IQCJ: variants seen among roughly 807,000 people sequenced by gnomAD.
IQCJ encodes the protein IQ motif containing J.
In IQCJ, 9 loss-of-function variants were observed where a neutral mutation model predicts 11.0. The ratio of observed to expected loss-of-function variants is 0.82; its 90% CI spans 0.49 to 1.43. IQCJ has a LOEUF of 1.43. Ranked by LOEUF, IQCJ falls within the 40% of genes most tolerant of loss-of-function variation. The pLI, the probability that IQCJ is intolerant of heterozygous loss-of-function variation, is 0.00. For missense variants in IQCJ, 146 were observed against 133.2 expected (o/e 1.10, Z -0.47); for synonymous variants, 55 against 51.3 (o/e 1.07, Z -0.31).
chr3:159,255,505 C>T (rs963363912), intron 3 of IQCJ, among the ~76,000 whole-genome samples: 3 of 152,058 alleles, frequency 2.0e-5, no homozygotes, highest in Admixed American at 6.5e-5. Context: ...CTCAGGACAT[C>T]GTGAAAAGGA....
chr3:159,069,509 A>T, intron 1 of IQCJ, 68 bp downstream of exon 1: 4 of 1,556,052 alleles, frequency 2.6e-6, no homozygotes, highest in East Asian at 2.3e-5. Flanking sequence ...ATTATTTTTT[A>T]AAAATCTGTC....
intron 1 of IQCJ, among the ~76,000 whole-genome samples, chr3:159,219,762 G>A (rs145691364): frequency 9.2e-5 from 14 of 152,196 alleles, no homozygotes; most frequent in Non-Finnish European, 1.6e-4. Flanking sequence ...CATGTTAGTG[G>A]ACCTATATTC....
intron 1 of IQCJ, among the ~76,000 whole-genome samples, chr3:159,208,777 A>G (rs1397444114): frequency 6.6e-6 from 1 of 152,236 alleles, no homozygotes; most frequent in Non-Finnish European, 1.5e-5. Flanking sequence ...TTGCAGACAT[A>G]ATTGAGGATC....
At chr3:159,160,256 G>C (rs932655397) in intron 1 of IQCJ, among the ~76,000 whole-genome samples, 2 of 152,028 alleles carry the variant, frequency 1.3e-5, no homozygotes, top group African/African-American at 4.8e-5. Context: ...TACTCATTAT[G>C]GCTGTAATTT....
At chr3:159,239,396 C>T (rs1726773623) in intron 1 of IQCJ, among the ~76,000 whole-genome samples, 1 of 151,998 alleles carries the variant, frequency 6.6e-6, no homozygotes, top group South Asian at 2.1e-4. Flanking sequence ...ATGAAATATT[C>T]AAGGAAAGGA....
chr3:159,217,183 G>A (rs935284810), intron 1 of IQCJ, among the ~76,000 whole-genome samples: 4 of 152,026 alleles, frequency 2.6e-5, no homozygotes, highest in African/African-American at 9.7e-5. Flanking sequence ...AATTGGTTTG[G>A]GATGAGGCCT....
chr3:159,202,121 G>A (rs989560200), intron 1 of IQCJ, among the ~76,000 whole-genome samples: 2 of 152,104 alleles, frequency 1.3e-5, no homozygotes, highest in Admixed American at 1.3e-4. Flanking sequence ...ATGTGTACAT[G>A]TATGTATATA....
intron 1 of IQCJ, among the ~76,000 whole-genome samples, chr3:159,106,679 CT>C (rs1346146493): frequency 6.6e-6 from 1 of 152,150 alleles, no homozygotes; most frequent in African/African-American, 2.4e-5. Flanking sequence ...AATTATAACA[CT>C]ATCTACGTAG....
chr3:159,093,762 T>G (rs893059121), intron 1 of IQCJ, among the ~76,000 whole-genome samples: 4 of 151,776 alleles, frequency 2.6e-5, no homozygotes, highest in Non-Finnish European at 5.9e-5. Context: ...AGCAAACACA[T>G]CCTTCTTCAC....
chr3:159,237,622 G>C (rs1447938853), intron 1 of IQCJ, among the ~76,000 whole-genome samples: 1 of 152,190 alleles, frequency 6.6e-6, no homozygotes, highest in South Asian at 2.1e-4. Context: ...TGGGATTAAG[G>C]ATTCTGGAAT....
intron 1 of IQCJ, among the ~76,000 whole-genome samples, chr3:159,086,084 G>A (rs1041989046): frequency 1.2e-4 from 18 of 152,190 alleles, no homozygotes; most frequent in African/African-American, 4.1e-4. Flanking sequence ...ATCTTGAATT[G>A]ATTTTTGTAT....
At chr3:159,111,857 C>G (rs947045386) in intron 1 of IQCJ, among the ~76,000 whole-genome samples, 7 of 152,118 alleles carry the variant, frequency 4.6e-5, no homozygotes, top group African/African-American at 1.7e-4. Flanking sequence ...GTGATGCTTG[C>G]TTAAAAGAGC....
At chr3:159,185,335 T>C (rs888111656) in intron 1 of IQCJ, among the ~76,000 whole-genome samples, 1 of 152,236 alleles carries the variant, frequency 6.6e-6, no homozygotes, top group South Asian at 2.1e-4. Flanking sequence ...GAATCCTAGC[T>C]GCAAGGGAGT....
intron 1 of IQCJ, among the ~76,000 whole-genome samples, chr3:159,170,611 A>C (rs1304909681): frequency 6.6e-6 from 1 of 150,466 alleles, no homozygotes; most frequent in African/African-American, 2.4e-5. Context: ...GACTCAGCCT[A>C]TGGTTCTTTC....
intron 1 of IQCJ, among the ~76,000 whole-genome samples, chr3:159,205,348 G>C (rs1724591210): frequency 6.6e-6 from 1 of 152,186 alleles, no homozygotes; most frequent in African/African-American, 2.4e-5. Flanking sequence ...GTAAAGTCAG[G>C]ACATGTTAGT....
intron 3 of IQCJ, among the ~76,000 whole-genome samples, chr3:159,257,744 A>G (rs1258151875): frequency 6.6e-6 from 1 of 152,252 alleles, no homozygotes; most frequent in Non-Finnish European, 1.5e-5. Flanking sequence ...AGCTGCATAT[A>G]GAAAAATCAA....
At chr3:159,252,881 G>T (rs944198127) in intron 3 of IQCJ, 74 bp downstream of exon 3, 48 of 1,426,202 alleles carry the variant, frequency 3.4e-5, no homozygotes, top group African/African-American at 1.6e-4. Context: ...TGGAATTTTC[G>T]GGCACAACAG....
At chr3:159,102,125 A>G (rs1717970684) in intron 1 of IQCJ, among the ~76,000 whole-genome samples, 1 of 152,220 alleles carries the variant, frequency 6.6e-6, no homozygotes, top group Non-Finnish European at 1.5e-5. Context: ...CCTTTTACAA[A>G]CAAGAAACAG....
chr3:159,145,341 A>G (rs1464525025), intron 1 of IQCJ, among the ~76,000 whole-genome samples: 1 of 152,222 alleles, frequency 6.6e-6, no homozygotes, highest in Non-Finnish European at 1.5e-5. Context: ...ACCCATGCAT[A>G]GAGTTAAATG....
Sources: allele counts gnomAD v4.1 joint callset (sites outside exome capture counted in the v4.1 genomes callset), GRCh38; gene constraint gnomAD v4.1.1; transcripts MANE v1.5; gene names NCBI Gene and HGNC (gene_info 2026-07-23, HGNC 2026-07-21).